The following FILIP1L variants were observed in gnomAD, a reference collection of about 807,000 sequenced individuals.
FILIP1L encodes filamin A-interacting protein 1-like.
A neutral mutation model predicts 96.6 loss-of-function variants in FILIP1L; 55 were observed. The ratio of observed to expected loss-of-function variants is 0.57; its 90% CI spans 0.46 to 0.71. FILIP1L has a LOEUF of 0.71. Ranked by LOEUF, FILIP1L falls within the 30% of genes least tolerant of loss-of-function variation. FILIP1L has a pLI of 0.00. For missense variants in FILIP1L, 1,304 were observed against 1,321.2 expected (o/e 0.99, Z 0.20); for synonymous variants, 467 against 473.9 (o/e 0.99, Z 0.19).
At chr3:100,065,983 A>G (rs2065656801) in intron 1 of FILIP1L, among the ~76,000 whole-genome samples, 1 of 152,224 alleles carries the variant, frequency 6.6e-6, no homozygotes, top group African/African-American at 2.4e-5. Context: ...AACTCTGGGA[A>G]TGCGACCCAG....
intron 4 of FILIP1L, among the ~76,000 whole-genome samples, chr3:99,912,300 C>T (rs1018782848): frequency 2.6e-5 from 4 of 152,256 alleles, no homozygotes; most frequent in East Asian, 1.9e-4. Context: ...TAGGCAAAAC[C>T]ATAGAGACAG....
chr3:99,834,298 G>A (rs1942805897), intron 5 of FILIP1L, among the ~76,000 whole-genome samples: 1 of 152,196 alleles, frequency 6.6e-6, no homozygotes. Flanking sequence ...TTTGAATAGT[G>A]TTCTACTTCT....
chr3:99,916,349 T>C (rs13082013), intron 4 of FILIP1L, among the ~76,000 whole-genome samples: 8,109 of 151,916 alleles, frequency 0.053, 318 homozygotes, highest in Middle Eastern at 0.085. Flanking sequence ...ATGACTGGCT[T>C]TCTTGGGTCT....
In FILIP1L at chr3:99,848,330, T is replaced by C; in HGVS notation, c.3346A>G (p.Thr1116Ala). Reference sequence around the variant, plus strand: ...GATTGTCGAGGAAGAGGTGTGGCTGTTGGTGTGATAGTAATACTGCTGGTG... The same window carrying C: ...GATTGTCGAGGAAGAGGTGTGGCTGCTGGTGTGATAGTAATACTGCTGGTG... ...KVTSSITITP[T>A]ATPLPRQSQI... The change falls in exon 5 of 6, where the codon ACA becomes GCA. Residue 1116 changes from threonine (T) to alanine (A), a missense_variant. By Grantham distance (58) the Thr-to-Ala change is moderately conservative. Transcript: ENST00000477258. The C allele has an allele frequency of 6.2e-7, 1 of 1,613,816 alleles. No individual in the cohort carries two copies. The highest frequency in any genetic ancestry group is 8.5e-7 in the Non-Finnish European group (1 of 1,179,954).
intron 1 of FILIP1L, among the ~76,000 whole-genome samples, chr3:100,021,577 A>G (rs2064817891): frequency 6.6e-6 from 1 of 152,208 alleles, no homozygotes; most frequent in South Asian, 2.1e-4. Context: ...AATTTGAAGC[A>G]AAGTCTGTAC....
chr3:100,085,002 C>T (rs776300332), intron 1 of FILIP1L, among the ~76,000 whole-genome samples: 1 of 152,178 alleles, frequency 6.6e-6, no homozygotes, highest in African/African-American at 2.4e-5. Flanking sequence ...ATTTTTCTGT[C>T]ATTTGTTGAA....
At chr3:99,988,339 TCCAAAAAAAA>T (rs1462622540) in intron 1 of FILIP1L, among the ~76,000 whole-genome samples, 5 of 28,350 alleles carry the variant, frequency 1.8e-4, no homozygotes, top group South Asian at 9.1e-4. Context: ...CTACTAAAAA[TCCAAAAAAAA>T]AAAAAAAAAA....
At chr3:100,089,614 T>C (rs1255952964) in intron 1 of FILIP1L, among the ~76,000 whole-genome samples, 1 of 152,238 alleles carries the variant, frequency 6.6e-6, no homozygotes, top group Non-Finnish European at 1.5e-5. Context: ...TTTCCCATTA[T>C]GGTTCTTTAT....
At chr3:99,882,135 G>T (rs781571071) in intron 4 of FILIP1L, among the ~76,000 whole-genome samples, 16 of 152,088 alleles carry the variant, frequency 1.1e-4, no homozygotes, top group Non-Finnish European at 2.2e-4. Flanking sequence ...CATTGAAATG[G>T]TCCTAGAAAG....
At chr3:99,847,235 AC>A (rs1006832213) in intron 5 of FILIP1L, among the ~76,000 whole-genome samples, 1 of 151,832 alleles carries the variant, frequency 6.6e-6, no homozygotes, top group Non-Finnish European at 1.5e-5. Context: ...AAAAAAAAAA[AC>A]TGTAAGCTTT....
chr3:99,982,622 G>C (rs1409158595), intron 1 of FILIP1L, among the ~76,000 whole-genome samples: 1 of 152,144 alleles, frequency 6.6e-6, no homozygotes, highest in African/African-American at 2.4e-5. Context: ...GGGATTACAG[G>C]CATGAGCCAC....
chr3:99,896,989 G>T (rs920426766), intron 4 of FILIP1L, among the ~76,000 whole-genome samples: 30 of 152,284 alleles, frequency 2.0e-4, no homozygotes, highest in African/African-American at 6.5e-4. Flanking sequence ...GGAGAAAAGT[G>T]CTAGAGAGAA....
intron 1 of FILIP1L, among the ~76,000 whole-genome samples, chr3:100,015,320 G>A (rs1311608900): frequency 1.3e-5 from 2 of 152,076 alleles, no homozygotes; most frequent in Non-Finnish European, 2.9e-5. Flanking sequence ...TTTAAATCAG[G>A]TAGTATGATG....
Position 99,924,225 on chromosome 3 carries a change from C to G in FILIP1L, c.605+5G>C. 6.2e-7 allele frequency: 1 copy of G among 1,612,196 alleles called. No individual in the cohort carries two copies. Among genetic ancestry groups the G allele is most frequent in the Non-Finnish European group, 8.5e-7 (1 of 1,179,138 alleles). ...TGGGACATTGTTTGCCCAAAGCAGC[C>G]TTACCTTTCACATTCCTGTTCTAGT... On this transcript the variant is annotated splice_donor_5th_base_variant and intron_variant, in intron 4 of 5. Coordinates refer to ENST00000477258, the MANE Select transcript of FILIP1L (RefSeq NM_001387850.1).
chr3:100,088,215 G>C (rs1322060121), intron 1 of FILIP1L, among the ~76,000 whole-genome samples: 1 of 152,166 alleles, frequency 6.6e-6, no homozygotes, highest in Non-Finnish European at 1.5e-5. Flanking sequence ...CAGTGAAACA[G>C]AGAAGTTATC....
chr3:99,839,792 AG>A (rs1943050735), intron 5 of FILIP1L, among the ~76,000 whole-genome samples: 2 of 152,192 alleles, frequency 1.3e-5, no homozygotes, highest in Admixed American at 1.3e-4. Context: ...AAAACTCTTC[AG>A]TATAGGTTTT....
intron 4 of FILIP1L, among the ~76,000 whole-genome samples, chr3:99,855,133 G>A (rs951580584): frequency 6.6e-6 from 1 of 152,124 alleles, no homozygotes; most frequent in African/African-American, 2.4e-5. Context: ...GTTCATTATT[G>A]ATTTATACCC....
rs9861168 is a variant in FILIP1L, at chr3:100,053,551, A to C, written c.-11+60502T>G. Among the ~76,000 whole-genome samples the C allele has an allele frequency of 5.0e-3, 760 of 152,276 alleles. 5 individuals carry two copies. Among genetic ancestry groups the C allele is most frequent in the African/African-American group, 0.017 (715 of 41,550 alleles). On this transcript the variant is annotated intron_variant, in intron 1 of 5. Transcript: ENST00000477258. ...CCCTAATCCAGTTTGACCTCATCTT[A>C]ACTTGATTACGTCAGCAAACACCCT...
chr3:99,881,441 C>T (rs1279168365), intron 4 of FILIP1L, among the ~76,000 whole-genome samples: 5 of 152,182 alleles, frequency 3.3e-5, no homozygotes, highest in African/African-American at 4.8e-5. Context: ...AGGTCATCTT[C>T]CCTGTCCCTT....
Sources: gnomAD v4.1 joint callset for allele counts (sites outside exome capture counted in the v4.1 genomes callset) on GRCh38, gnomAD v4.1.1 for gene constraint, MANE v1.5 for transcripts, NCBI Gene and HGNC (gene_info 2026-07-23, HGNC 2026-07-21) for gene names.